LDB2: variants seen among roughly 807,000 people sequenced by gnomAD.
LDB2 encodes LIM domain-binding protein 2.
A neutral mutation model predicts 44.3 loss-of-function variants in LDB2; 12 were observed. That is an observed-to-expected ratio of 0.27 (90% CI 0.17 to 0.44). LDB2 has a LOEUF of 0.44. Among genes scored for constraint, LDB2 ranks in the 20% least tolerant of loss-of-function variants. The pLI, the probability that LDB2 is intolerant of heterozygous loss-of-function variation, is 1.00. For synonymous variants in LDB2, 164 were observed against 174.8 expected (o/e 0.94, Z 0.49); for missense variants, 344 against 473.5 (o/e 0.73, Z 2.54).
chr4:16,705,246 G>T (rs915699990), intron 2 of LDB2, among the ~76,000 whole-genome samples: 17 of 152,158 alleles, frequency 1.1e-4, no homozygotes, highest in African/African-American at 4.1e-4. Flanking sequence ...CACTTCTTCA[G>T]CCCCTCTTTG....
Position 16,582,133 on chromosome 4 carries a change from G to GTTTCTCACTGCACCTGGGAGCAA in LDB2, c.615+3766_615+3788dup, listed in dbSNP as rs1351418264. Among the ~76,000 whole-genome samples, 6 of 152,168 alleles carry GTTTCTCACTGCACCTGGGAGCAA rather than the reference G, an allele frequency of 3.9e-5. No individual in the cohort carries two copies. The highest frequency in any genetic ancestry group is 1.2e-4 in the African/African-American group (5 of 41,436). On this transcript the variant is annotated intron_variant, in intron 5 of 7. Coordinates refer to ENST00000304523, the MANE Select transcript of LDB2 (RefSeq NM_001290.5). The surrounding 1 kb of genome is among the most constrained non-coding windows in gnomAD (Gnocchi z 4.8). ...CCCCAGAAATGTTAGCTAGTGCTAT[G>GTTTCTCACTGCACCTGGGAGCAA]TTTCTCACTGCACCTGGGAGCAATT...
At chr4:16,888,502 A>G (rs1478105634) in intron 1 of LDB2, among the ~76,000 whole-genome samples, 1 of 152,226 alleles carries the variant, frequency 6.6e-6, no homozygotes, top group East Asian at 1.9e-4. Context: ...TCCCTGCCAT[A>G]TAACAGTGAA....
chr4:16,546,323 T>C (rs1160269533), intron 5 of LDB2, among the ~76,000 whole-genome samples: 1 of 152,322 alleles, frequency 6.6e-6, no homozygotes, highest in African/African-American at 2.4e-5. Flanking sequence ...CTGGACGAAT[T>C]CTAAAATGTG....
At chr4:16,782,619 G>A (rs1773539312) in intron 1 of LDB2, among the ~76,000 whole-genome samples, 1 of 152,140 alleles carries the variant, frequency 6.6e-6, no homozygotes, top group African/African-American at 2.4e-5. Flanking sequence ...CAAAGTGTTG[G>A]CATTACAGGC....
chr4:16,585,990 C>T lies in LDB2; in HGVS notation c.547G>A (p.Val183Ile). The change falls in exon 5 of 8, where the codon GTC (valine) becomes ATC (isoleucine). Residue 183 changes from valine to isoleucine, a missense_variant. Val to Ile is a conservative substitution (Grantham distance 29). Transcript: ENST00000304523. ...ATGTTTTTGGACAGCTGATCCAGGA[C>T]CTGAGGATCTTGTGCCTAAATGGAA... ...ILAMHAQDPQ[V>I]LDQLSKNITR... The T allele has an allele frequency of 6.2e-7, 1 of 1,613,682 alleles. No individual in the cohort carries two copies. Among genetic ancestry groups the T allele is most frequent in the Non-Finnish European group, 8.5e-7 (1 of 1,179,724 alleles).
At chr4:16,863,806 A>G (rs924077408) in intron 1 of LDB2, among the ~76,000 whole-genome samples, 4 of 151,888 alleles carry the variant, frequency 2.6e-5, no homozygotes, top group Middle Eastern at 3.4e-3. Flanking sequence ...GATTACAGGC[A>G]CCCGCCACCA....
At chr4:16,873,259 A>G (rs1410336662) in intron 1 of LDB2, among the ~76,000 whole-genome samples, 1 of 152,216 alleles carries the variant, frequency 6.6e-6, no homozygotes, top group East Asian at 1.9e-4. Context: ...ACAAGTTCAG[A>G]AAAGGGCTGG....
At chr4:16,836,374 A>G (rs936251028) in intron 1 of LDB2, among the ~76,000 whole-genome samples, 1 of 152,226 alleles carries the variant, frequency 6.6e-6, no homozygotes, top group African/African-American at 2.4e-5. Context: ...GGATGGCTGG[A>G]TTTGAAATCA....
At position 16,513,446 on chromosome 4, in the gene LDB2, G is replaced by A. The variant is rs1001676468; in HGVS notation, c.616-1342C>T. 8.5e-5 allele frequency among the ~76,000 whole-genome samples: 13 copies of A among 152,216 alleles called. No homozygotes were observed. The East Asian group carries it at 2.5e-3, about 29-fold the overall frequency. On this transcript the variant is annotated intron_variant, in intron 5 of 7. Transcript: ENST00000304523. ...GCTTCTAAGTCTGCCTTTACCACTA[G>A]GCCATGAATTCTTCCAAGGCTGAGA...
At chr4:16,782,419 T>G (rs1424153805) in intron 1 of LDB2, among the ~76,000 whole-genome samples, 1 of 151,996 alleles carries the variant, frequency 6.6e-6, no homozygotes. Flanking sequence ...GGCACGATCT[T>G]GGTTCACTAA....
rs72619115 is a variant in LDB2, at chr4:16,545,996, G to A, written c.616-33892C>T. 0.021 allele frequency among the ~76,000 whole-genome samples: 3,232 copies of A among 152,250 alleles called. 210 individuals carry two copies. In the East Asian group the frequency reaches 0.24, roughly 11 times the overall value. On this transcript the variant is annotated intron_variant, in intron 5 of 7. Coordinates refer to ENST00000304523, the MANE Select transcript of LDB2 (RefSeq NM_001290.5). ...ATTGCAACAGGGTAAGTCTAACTCT[G>A]CCAGTGGATTTATAAAAATTAAAAG...
chr4:16,830,674 A>G (rs17814953), intron 1 of LDB2, among the ~76,000 whole-genome samples: 27,424 of 152,220 alleles, frequency 0.18, 2,938 homozygotes, highest in Non-Finnish European at 0.23. Flanking sequence ...ATCAACTGCA[A>G]TGATCAGCAA....
At chr4:16,684,912 T>G (rs1748841404) in intron 2 of LDB2, among the ~76,000 whole-genome samples, 1 of 152,226 alleles carries the variant, frequency 6.6e-6, no homozygotes, top group African/African-American at 2.4e-5. Context: ...TATTTATAGC[T>G]ATGAAATGTA....
chr4:16,678,033 T>C (rs2152565039), intron 2 of LDB2, among the ~76,000 whole-genome samples: 1 of 152,276 alleles, frequency 6.6e-6, no homozygotes, highest in African/African-American at 2.4e-5. Context: ...GTGACTTCCA[T>C]TTGAAAGGAA....
intron 5 of LDB2, among the ~76,000 whole-genome samples, chr4:16,523,806 AGTTT>A (rs376546662): frequency 6.6e-5 from 10 of 152,230 alleles, no homozygotes; most frequent in African/African-American, 2.4e-4. Context: ...ACTTATGAAT[AGTTT>A]ATTTCTAGAA....
At chr4:16,803,818 G>A (rs1234762355) in intron 1 of LDB2, among the ~76,000 whole-genome samples, 1 of 152,188 alleles carries the variant, frequency 6.6e-6, no homozygotes, top group African/African-American at 2.4e-5. Context: ...TTAGCACAAT[G>A]TCAAGCACAG....
intron 3 of LDB2, among the ~76,000 whole-genome samples, chr4:16,592,505 T>TACACACACACACAC (rs58460959): frequency 9.3e-6 from 1 of 108,068 alleles, no homozygotes; most frequent in South Asian, 3.5e-4. Flanking sequence ...TATATATATA[T>TACACACACACACAC]ACACACACAC....
At chr4:16,606,969 C>T (rs1012999819) in intron 2 of LDB2, among the ~76,000 whole-genome samples, 4 of 152,088 alleles carry the variant, frequency 2.6e-5, no homozygotes, top group Admixed American at 1.3e-4. Context: ...AATCATCAAC[C>T]GTTAGCAATT....
Position 16,660,576 on chromosome 4 carries a change from C to T in LDB2, c.236-64701G>A, listed in dbSNP as rs76002340. 3.9e-3 allele frequency among the ~76,000 whole-genome samples: 594 copies of T among 152,260 alleles called. 5 individuals carry two copies. Among genetic ancestry groups the T allele is most frequent in the African/African-American group, 0.013 (551 of 41,542 alleles). On this transcript the variant is annotated intron_variant, in intron 2 of 7. Transcript: ENST00000304523. ...ATTCATTTCTTCAGCATTTACTGTGCGCCTACTACATGCCAGGCACCTTGC... is the reference window on the plus strand; with the variant it reads ...ATTCATTTCTTCAGCATTTACTGTGTGCCTACTACATGCCAGGCACCTTGC...
Sources: gnomAD v4.1 joint callset for allele counts (sites outside exome capture counted in the v4.1 genomes callset) on GRCh38, gnomAD v4.1.1 for gene constraint, Gnocchi (gnomAD v3.1) non-coding constraint, MANE v1.5 for transcripts, NCBI Gene and HGNC (gene_info 2026-07-23, HGNC 2026-07-21) for gene names.